CCR3: variants seen among roughly 807,000 people sequenced by gnomAD.
CCR3 encodes the protein C-C chemokine receptor type 3.
For missense variants in CCR3, 419 were observed against 437.5 expected, an observed-to-expected ratio of 0.96 and a Z score of 0.38; for synonymous variants, 203 against 179.2, an observed-to-expected ratio of 1.13 and a Z score of -1.06.
At chr3:46,256,529 T>G (rs1575507728) in intron 1 of CCR3, among the ~76,000 whole-genome samples, 1 of 152,060 alleles carries the variant, frequency 6.6e-6, no homozygotes, top group Non-Finnish European at 1.5e-5. Context: ...TTTGAAAAAC[T>G]TATAAAAACA....
rs561059078 is a variant in CCR3, at chr3:46,261,842, G to A, written c.-11-3306G>A. On this transcript the variant is annotated intron_variant, in intron 1 of 1. Coordinates refer to ENST00000395940, the MANE Select transcript of CCR3 (RefSeq NM_178329.3). ...GGAAAAGGTGCATAGCCTGGGCCAG[G>A]GCCAGGGCCCTGGTGGAGGCGTAGT... Among the ~76,000 whole-genome samples, 12 of 152,342 alleles carry A rather than the reference G, an allele frequency of 7.9e-5. No individual in the cohort carries two copies. The East Asian group carries it at 1.5e-3, about 20-fold the overall frequency.
At chr3:46,262,626 G>A (rs899173762) in intron 1 of CCR3, among the ~76,000 whole-genome samples, 7 of 151,936 alleles carry the variant, frequency 4.6e-5, no homozygotes, top group Non-Finnish European at 7.4e-5. Context: ...AACCATATCA[G>A]GTTTTTAATT....
intron 2 of CCR3, chr3:46,211,003 C>T (rs1229751459): frequency 1.3e-5 from 2 of 152,144 alleles, no homozygotes; most frequent in Admixed American, 6.5e-5. Context: ...TTCTGATGTA[C>T]TTGGTCTAGG....
At chr3:46,213,958 GC>G (rs1223699118) in intron 2 of CCR3, among the ~76,000 whole-genome samples, 1 of 152,034 alleles carries the variant, frequency 6.6e-6, no homozygotes, top group African/African-American at 2.4e-5. Flanking sequence ...ATCCTGTCAT[GC>G]CCACTTGGCA....
chr3:46,215,193 G>C (rs779912637), intron 2 of CCR3, among the ~76,000 whole-genome samples: 16 of 152,100 alleles, frequency 1.1e-4, no homozygotes, highest in Non-Finnish European at 2.2e-4. Flanking sequence ...GCTCATGCTG[G>C]TATTTGTTCC....
At chr3:46,234,750 C>T (rs1378546545) in intron 2 of CCR3, among the ~76,000 whole-genome samples, 1 of 152,206 alleles carries the variant, frequency 6.6e-6, no homozygotes, top group Non-Finnish European at 1.5e-5. Context: ...GTTTTCTGCC[C>T]CAGAACCACT....
At chr3:46,260,595 C>G (rs992378490) in intron 1 of CCR3, among the ~76,000 whole-genome samples, 4 of 152,226 alleles carry the variant, frequency 2.6e-5, no homozygotes, top group African/African-American at 7.2e-5. Context: ...GACTCCATGT[C>G]TTGCATCCAG....
intron 2 of CCR3, among the ~76,000 whole-genome samples, chr3:46,215,642 G>A (rs73833018): frequency 0.096 from 14,569 of 152,126 alleles, 2,178 homozygotes; most frequent in African/African-American, 0.32. Context: ...CGTTCTAGTG[G>A]GATAGAAGTC....
intron 2 of CCR3, among the ~76,000 whole-genome samples, chr3:46,221,422 C>T (rs1369885960): frequency 6.6e-6 from 1 of 152,226 alleles, no homozygotes; most frequent in Non-Finnish European, 1.5e-5. Context: ...GCTCTTCCCA[C>T]TAGCAGCTGG....
intron 1 of CCR3, chr3:46,264,744 G>A (rs1171679188): frequency 2.5e-6 from 1 of 398,676 alleles, no homozygotes; most frequent in Non-Finnish European, 4.4e-6. Flanking sequence ...GGATTTTTAA[G>A]GTATATGTAA....
At chr3:46,265,083 T>C (rs1700591759) in intron 1 of CCR3, 65 bp from the exon 2 acceptor site, 1 of 1,015,686 alleles carries the variant, frequency 9.8e-7, no homozygotes, top group East Asian at 2.4e-5. Flanking sequence ...ATAAATCAAC[T>C]GGTGTGTTTT....
intron 1 of CCR3, chr3:46,263,781 G>A (rs1380397161): frequency 6.6e-6 from 1 of 152,576 alleles, no homozygotes; most frequent in African/African-American, 2.4e-5. Flanking sequence ...CAGCTGAGAG[G>A]CGCTAGGACT....
chr3:46,265,128 T>C lies in CCR3; in HGVS notation c.-11-20T>C. The C allele has an allele frequency of 6.7e-7, 1 of 1,484,396 alleles. No individual in the cohort carries two copies. Among genetic ancestry groups the C allele is most frequent in the South Asian group, 1.2e-5 (1 of 83,556 alleles). 92.0% of individuals were successfully genotyped at this position (1,484,396 alleles called of 1,614,324 possible). On this transcript the variant is annotated intron_variant, in intron 1 of 1. Transcript: ENST00000395940. ...GATTATGCTTCATTGTGGGATTGTA[T>C]TTTTCTTCTTCTATCACAGGGAGAA...
intron 2 of CCR3, among the ~76,000 whole-genome samples, chr3:46,235,365 A>G (rs965517026): frequency 6.6e-6 from 1 of 152,234 alleles, no homozygotes; most frequent in Non-Finnish European, 1.5e-5. Flanking sequence ...ACATTAAGAC[A>G]TAACAACACA....
At chr3:46,239,577 A>G (rs1700058510), upstream of CCR3, among the ~76,000 whole-genome samples, 1 of 152,188 alleles carries the variant, frequency 6.6e-6, no homozygotes, top group Admixed American at 6.5e-5. Context: ...CTATTTCACC[A>G]CTGGTGAGAA....
At chr3:46,249,008 G>A (rs908104724) in intron 1 of CCR3, among the ~76,000 whole-genome samples, 2 of 152,184 alleles carry the variant, frequency 1.3e-5, no homozygotes, top group African/African-American at 4.8e-5. Flanking sequence ...GCAGGCGAGT[G>A]ATAACAGGCT....
intron 1 of CCR3, among the ~76,000 whole-genome samples, chr3:46,252,162 T>C: frequency 6.7e-6 from 1 of 148,900 alleles, no homozygotes; most frequent in East Asian, 2.0e-4. Context: ...ATGAGGCTAG[T>C]TTCTGTCTTT....
chr3:46,214,495 C>A (rs1196303892), intron 2 of CCR3, among the ~76,000 whole-genome samples: 1 of 152,164 alleles, frequency 6.6e-6, no homozygotes, highest in Non-Finnish European at 1.5e-5. Context: ...TTAGCAGCTT[C>A]ATCTGGGACT....
At chr3:46,257,610 C>G (rs1011974419) in intron 1 of CCR3, among the ~76,000 whole-genome samples, 1 of 151,932 alleles carries the variant, frequency 6.6e-6, no homozygotes, top group African/African-American at 2.4e-5. Flanking sequence ...TATTTAAAAC[C>G]ATAATGGCAT....
Sources: gnomAD v4.1 joint callset for allele counts (sites outside exome capture counted in the v4.1 genomes callset) on GRCh38, gnomAD v4.1.1 for gene constraint, MANE v1.5 for transcripts, NCBI Gene and HGNC (gene_info 2026-07-23, HGNC 2026-07-21) for gene names.